Variants in MINDY3 observed in about 807,000 individuals in gnomAD.
MINDY3 encodes the protein MINDY lysine 48 deubiquitinase 3, also known as ubiquitin carboxyl-terminal hydrolase MINDY-3.
A neutral mutation model predicts 69.2 loss-of-function variants in MINDY3; 38 were observed. The ratio of observed to expected loss-of-function variants is 0.55; its 90% CI spans 0.42 to 0.72. The LOEUF (loss-of-function observed/expected upper bound fraction) is 0.72. Ranked by LOEUF, MINDY3 falls within the 30% of genes least tolerant of loss-of-function variation. MINDY3 has a pLI of 0.00. For missense variants in MINDY3, 522 were observed against 519.0 expected, an observed-to-expected ratio of 1.01 and a Z score of -0.06; for synonymous variants, 192 against 180.1, an observed-to-expected ratio of 1.07 and a Z score of -0.53.
At chr10:15,797,075 G>A (rs1319198210) in intron 10 of MINDY3, among the ~76,000 whole-genome samples, 1 of 152,034 alleles carries the variant, frequency 6.6e-6, no homozygotes, top group South Asian at 2.1e-4. Context: ...CTAAACTGCT[G>A]TTCCCCTGTG....
intron 14 of MINDY3, among the ~76,000 whole-genome samples, chr10:15,780,616 T>C (rs1236971505): frequency 6.6e-6 from 1 of 152,206 alleles, no homozygotes; most frequent in Non-Finnish European, 1.5e-5. Flanking sequence ...GCATTCTCCT[T>C]TTGTCTGTTT....
intron 1 of MINDY3, among the ~76,000 whole-genome samples, chr10:15,855,457 GC>G (rs921255729): frequency 6.6e-6 from 1 of 150,978 alleles, no homozygotes; most frequent in Admixed American, 6.6e-5. Context: ...ACCATAAATG[GC>G]CGTTTTTCCT....
rs1474998652 is a variant in MINDY3, at chr10:15,790,735, C to CAAAT, written c.956-1420_956-1417dup. 3.3e-5 allele frequency among the ~76,000 whole-genome samples: 5 copies of CAAAT among 152,060 alleles called. No individual in the cohort carries two copies. The South Asian group carries it at 1.0e-3, about 32-fold the overall frequency. ...ATTTTTTCTGGTTTATGAATATTTG[C>CAAAT]AAATATATAATGGCTGAACATCCCT... On this transcript the variant is annotated intron_variant, in intron 11 of 14. Coordinates refer to ENST00000277632, the MANE Select transcript of MINDY3 (RefSeq NM_024948.4).
At chr10:15,791,757 G>A (rs1837437741) in intron 11 of MINDY3, among the ~76,000 whole-genome samples, 1 of 152,134 alleles carries the variant, frequency 6.6e-6, no homozygotes, top group Non-Finnish European at 1.5e-5. Flanking sequence ...ATGAAGGACA[G>A]TGAAAGTGAG....
At chr10:15,833,866 C>T (rs1199351822) in intron 7 of MINDY3, among the ~76,000 whole-genome samples, 157 bp from the exon 8 acceptor site, 1 of 151,894 alleles carries the variant, frequency 6.6e-6, no homozygotes, top group Non-Finnish European at 1.5e-5. Flanking sequence ...TATATTCGGC[C>T]TTGCTAAATG....
At chr10:15,782,098 T>C in intron 14 of MINDY3, 57 bp downstream of exon 14, 1 of 1,225,102 alleles carries the variant, frequency 8.2e-7, no homozygotes, top group Non-Finnish European at 1.2e-6. Flanking sequence ...TGTTACATAC[T>C]CACATAATTA....
intron 8 of MINDY3, among the ~76,000 whole-genome samples, chr10:15,824,940 T>A (rs1199763599): frequency 6.6e-6 from 1 of 152,174 alleles, no homozygotes; most frequent in Non-Finnish European, 1.5e-5. Context: ...TACTTAACAT[T>A]TTTACCTTCT....
At chr10:15,849,675 T>C (rs1834136455) in intron 1 of MINDY3, among the ~76,000 whole-genome samples, 1 of 152,176 alleles carries the variant, frequency 6.6e-6, no homozygotes, top group Non-Finnish European at 1.5e-5. Flanking sequence ...GTTTCTAGTT[T>C]GAGACACCAG....
chr10:15,786,936 A>G (rs1354020149), intron 12 of MINDY3, among the ~76,000 whole-genome samples: 1 of 152,186 alleles, frequency 6.6e-6, no homozygotes, highest in Non-Finnish European at 1.5e-5. Context: ...TATAAACTCA[A>G]GCTTGTAACT....
Position 15,813,950 on chromosome 10 carries a change from T to C in MINDY3, c.882+2885A>G, listed in dbSNP as rs556037721. 8.5e-5 allele frequency among the ~76,000 whole-genome samples: 12 copies of C among 141,098 alleles called. No individual in the cohort carries two copies. In the South Asian group the frequency reaches 2.4e-3, roughly 29 times the overall value. 92.6% of individuals were successfully genotyped at this position (141,098 alleles called of 152,430 possible). On this transcript the variant is annotated intron_variant, in intron 10 of 14. Coordinates refer to ENST00000277632, the MANE Select transcript of MINDY3 (RefSeq NM_024948.4). ...AACAATGTTGTTTCAGGCCACTGAA[T>C]GTATAATAAAGCAAACTCACCAAAA...
At chr10:15,793,900 AT>A in intron 11 of MINDY3, among the ~76,000 whole-genome samples, 1 of 152,110 alleles carries the variant, frequency 6.6e-6, no homozygotes, top group Non-Finnish European at 1.5e-5. Flanking sequence ...GCTCCAAACG[AT>A]CAGTACTAAA....
At chr10:15,846,271 T>A (rs1253254541) in intron 2 of MINDY3, among the ~76,000 whole-genome samples, 1 of 152,196 alleles carries the variant, frequency 6.6e-6, no homozygotes, top group African/African-American at 2.4e-5. Context: ...ACTCCTGTGG[T>A]ATACCCTCCA....
chr10:15,852,778 C>T (rs956364415), intron 1 of MINDY3, among the ~76,000 whole-genome samples: 9 of 151,984 alleles, frequency 5.9e-5, no homozygotes, highest in East Asian at 1.9e-4. Context: ...CTACAGTTGG[C>T]CGTTCATATC....
At position 15,841,501 on chromosome 10, in the gene MINDY3, T is replaced by C; in HGVS notation, c.334A>G (p.Arg112Gly). Residue 112 changes from arginine (R) to glycine (G), a missense_variant, in exon 4 of 15, where the codon AGA becomes GGA. Transcript: ENST00000277632. ...SGSYCLVSWL[R>G]GKTTEETASI... ...GCAGTTTCCTCAGTTGTCTTTCCTC[T>C]TAACCATGAAACCAAGCAGTATGAT... is the stretch of plus-strand genomic sequence containing the variant. 1 of 1,612,162 alleles carries C rather than the reference T, an allele frequency of 6.2e-7. No individual in the cohort carries two copies. The highest frequency in any genetic ancestry group is 8.5e-7 in the Non-Finnish European group (1 of 1,178,662).
chr10:15,809,910 A>G (rs1281594562), intron 10 of MINDY3, among the ~76,000 whole-genome samples: 1 of 152,152 alleles, frequency 6.6e-6, no homozygotes. Flanking sequence ...TTTATAAAAC[A>G]TGGTGGTTTA....
intron 6 of MINDY3, among the ~76,000 whole-genome samples, 181 bp downstream of exon 6, chr10:15,837,023 G>A (rs1399127721): frequency 1.3e-5 from 2 of 151,962 alleles, no homozygotes; most frequent in African/African-American, 4.8e-5. Context: ...AAGAGCAGAG[G>A]TGAAACTGCT....
rs778801241 is a variant in MINDY3 at position 15,834,595 on chromosome 10, C to T, written c.598G>A (p.Glu200Lys). 23 of 1,610,908 alleles carry T rather than the reference C, an allele frequency of 1.4e-5. No individual in the cohort carries two copies. The highest frequency in any genetic ancestry group is 1.1e-4 in the East Asian group (5 of 44,678). ...LTKGIENIKN[E>K]IEDASEPLID... ...AAGGGTTCACTTGCATCTTCAATTT[C>T]GTTTTTTATGTTTTCAATGCCCTAA... The change falls in exon 7 of 15, where the codon GAA becomes AAA. Residue 200 changes from glutamate to lysine, a missense_variant. Physicochemically the swap from Glu to Lys is moderately conservative, Grantham distance 56. Transcript: ENST00000277632.
chr10:15,789,933 G>C (rs377050397), intron 11 of MINDY3, among the ~76,000 whole-genome samples: 27 of 152,208 alleles, frequency 1.8e-4, no homozygotes, highest in African/African-American at 6.0e-4. Context: ...TGATGCAACA[G>C]ACCATGACAC....
At chr10:15,810,212 G>A (rs964103298) in intron 10 of MINDY3, among the ~76,000 whole-genome samples, 3 of 152,020 alleles carry the variant, frequency 2.0e-5, no homozygotes, top group Non-Finnish European at 4.4e-5. Flanking sequence ...TTAAAATCAT[G>A]AACCTATACT....
Sources: gnomAD v4.1 joint callset for allele counts (sites outside exome capture counted in the v4.1 genomes callset) on GRCh38, gnomAD v4.1.1 for gene constraint, MANE v1.5 for transcripts, NCBI Gene and HGNC (gene_info 2026-07-23, HGNC 2026-07-21) for gene names.